KIFBP: variants seen among roughly 807,000 people sequenced by gnomAD.
The protein encoded by KIFBP is kinesin family binding protein.
A neutral mutation model predicts 58.9 loss-of-function variants in KIFBP; 46 were observed. That is an observed-to-expected ratio of 0.78 (90% CI 0.62 to 1.00). The LOEUF is 1.00. Among genes scored for constraint, KIFBP ranks in the 50% least tolerant of loss-of-function variants. KIFBP has a pLI of 0.00. For missense variants in KIFBP, 651 were observed against 752.9 expected, an observed-to-expected ratio of 0.86 and a Z score of 1.58; for synonymous variants, 241 against 283.4, an observed-to-expected ratio of 0.85 and a Z score of 1.50.
At chr10:69,005,171 A>C in intron 3 of KIFBP, 46 bp downstream of exon 3, 39 of 1,332,914 alleles carry the variant, frequency 2.9e-5, no homozygotes, top group Non-Finnish European at 3.8e-5. Flanking sequence ...TCCACATATC[A>C]TAGATTAGTG....
At position 69,015,245 on chromosome 10, in the gene KIFBP, T is replaced by C. The variant is rs2429023; in HGVS notation, c.991-296T>C. 0.16 allele frequency: 51,914 copies of C among 334,510 alleles called. 4,802 individuals are homozygous for C. Among genetic ancestry groups the C allele is most frequent in the Admixed American group, 0.22 (4,733 of 21,800 alleles). 20.7% of individuals were successfully genotyped at this position (334,510 alleles called of 1,614,324 possible). On this transcript the variant is annotated intron_variant, in intron 6 of 6. Transcript: ENST00000361983. ...TCACAATTCTCAAAGTACTTTTACA[T>C]GTAGCATTTATCTTATTGGAAGGAG... is the stretch of plus-strand genomic sequence containing the variant.
chr10:69,004,473 A>G (rs987445034), intron 2 of KIFBP, among the ~76,000 whole-genome samples: 14 of 152,232 alleles, frequency 9.2e-5, no homozygotes, highest in African/African-American at 3.1e-4. Context: ...AACTGCAACA[A>G]CAGTAAAATT....
At chr10:69,003,044 C>CCA (rs1554843027) in intron 2 of KIFBP, among the ~76,000 whole-genome samples, 7 of 105,576 alleles carry the variant, frequency 6.6e-5, no homozygotes, top group African/African-American at 2.5e-4. Context: ...CCCGTCTTTA[C>CCA]AAAAAAAAAA....
At chr10:68,989,523 C>T (rs1002288971) in intron 1 of KIFBP, 1 of 571,972 alleles carries the variant, frequency 1.7e-6, no homozygotes, top group African/African-American at 1.9e-5. Context: ...CTTGCTGCTG[C>T]TTCACTTAGA....
At chr10:68,990,289 G>T (rs919399126) in intron 1 of KIFBP, among the ~76,000 whole-genome samples, 3 of 152,134 alleles carry the variant, frequency 2.0e-5, no homozygotes, top group Admixed American at 6.6e-5. Context: ...CAGCATTTTG[G>T]GAGGCCGAAG....
rs1419050253 is a variant in KIFBP at position 69,016,192 on chromosome 10, T to G, written c.1642T>G (p.Phe548Val). 1 of 1,613,396 alleles carries G rather than the reference T, an allele frequency of 6.2e-7. No homozygotes were observed. The highest frequency in any genetic ancestry group is 2.2e-5 in the East Asian group (1 of 44,890). The change falls in exon 7 of 7, where the codon TTT (phenylalanine) becomes GTT (valine). Residue 548 changes from phenylalanine (F) to valine (V), a missense_variant. Phe to Val is a conservative substitution (Grantham distance 50). Coordinates refer to ENST00000361983, the MANE Select transcript of KIFBP (RefSeq NM_015634.4). Reference sequence around the variant, plus strand: ...TCTTCGCCCTGCCATGTTAGCTAAGTTTCGAGTTGCCCGTCTCTATGGCAA... The same window carrying G: ...TCTTCGCCCTGCCATGTTAGCTAAGGTTCGAGTTGCCCGTCTCTATGGCAA... ...DVLRPAMLAK[F>V]RVARLYGKII...
chr10:68,989,832 G>C, intron 1 of KIFBP: 1 of 153,588 alleles, frequency 6.5e-6, no homozygotes, highest in Non-Finnish European at 1.4e-5. Flanking sequence ...ATAGTAGCTG[G>C]AACCACAGGC....
chr10:69,003,133 TC>T (rs1330881253), intron 2 of KIFBP, among the ~76,000 whole-genome samples: 1 of 152,088 alleles, frequency 6.6e-6, no homozygotes, highest in Non-Finnish European at 1.5e-5. Context: ...ATAGTGAAAT[TC>T]CTTGTGTTTA....
intron 5 of KIFBP, among the ~76,000 whole-genome samples, chr10:69,010,506 G>A (rs531581792): frequency 6.6e-6 from 1 of 152,194 alleles, no homozygotes; most frequent in Non-Finnish European, 1.5e-5. Flanking sequence ...TTTAGCACCA[G>A]GTTCTCCACA....
chr10:69,015,638 T>A lies in KIFBP; in HGVS notation c.1088T>A (p.Val363Glu), dbSNP rs1036928323. The change falls in exon 7 of 7, where the codon GTG becomes GAG. Residue 363 changes from valine to glutamate, a missense_variant. By Grantham distance (121) the Val-to-Glu change is moderately radical (BLOSUM62 -2). Coordinates refer to ENST00000361983, the MANE Select transcript of KIFBP (RefSeq NM_015634.4). ...GAGGAAAGCATTCGGAAAAAAGCTG[T>A]GCAGTTTGGAACCGGTGAACTGTGT... is the stretch of plus-strand genomic sequence containing the variant. ...DEEESIRKKAVQFGTGELCDA... is the reference protein window; with the variant it reads ...DEEESIRKKAEQFGTGELCDA... The A allele has an allele frequency of 7.4e-6, 12 of 1,614,128 alleles. No individual in the cohort carries two copies. The highest frequency in any genetic ancestry group is 9.3e-6 in the Non-Finnish European group (11 of 1,180,012).
At chr10:69,006,035 C>A in intron 4 of KIFBP, 120 bp downstream of exon 4, 1 of 954,810 alleles carries the variant, frequency 1.0e-6, no homozygotes, top group South Asian at 1.7e-5. Context: ...TGATGTACAA[C>A]TGAAGCCGAA....
chr10:69,010,180 T>A (rs992962549), intron 5 of KIFBP, among the ~76,000 whole-genome samples: 2 of 152,206 alleles, frequency 1.3e-5, no homozygotes, highest in Non-Finnish European at 2.9e-5. Flanking sequence ...TTTCAAAATG[T>A]TCTTATTGAG....
chr10:69,004,918 A>C, intron 2 of KIFBP, 128 bp from the exon 3 acceptor site: 1 of 676,556 alleles, frequency 1.5e-6, no homozygotes, highest in South Asian at 1.7e-5. Context: ...TGAGTAACAT[A>C]AAAATGAACT....
At chr10:68,995,024 T>C (rs1391861949) in intron 1 of KIFBP, among the ~76,000 whole-genome samples, 1 of 151,882 alleles carries the variant, frequency 6.6e-6, no homozygotes, top group Non-Finnish European at 1.5e-5. Flanking sequence ...GTAGAAATTT[T>C]ATTTTATTTT....
intron 3 of KIFBP, 63 bp downstream of exon 3, chr10:69,005,188 C>A: frequency 8.5e-7 from 1 of 1,181,908 alleles, no homozygotes; most frequent in South Asian, 1.2e-5. Context: ...AGTGATTGTT[C>A]AAAAAGTCAC....
intron 1 of KIFBP, among the ~76,000 whole-genome samples, chr10:68,997,411 G>T (rs1378160393): frequency 6.6e-6 from 1 of 152,080 alleles, no homozygotes; most frequent in Non-Finnish European, 1.5e-5. Context: ...ATGAGATCTG[G>T]TTGTTTGAAA....
chr10:68,994,181 G>GTGAGGTCTTTTTTT (rs1228561013), intron 1 of KIFBP, among the ~76,000 whole-genome samples: 1 of 150,574 alleles, frequency 6.6e-6, no homozygotes, highest in Admixed American at 6.6e-5. Context: ...GTAAGACCCT[G>GTGAGGTCTTTTTTT]TCTCAGAAAA....
chr10:68,993,117 CTCT>C (rs1475652777), intron 1 of KIFBP, among the ~76,000 whole-genome samples: 6 of 152,126 alleles, frequency 3.9e-5, no homozygotes, highest in African/African-American at 1.4e-4. Flanking sequence ...AGTTTTATGT[CTCT>C]TCTTAGTTCA....
rs1317668068 is a variant in KIFBP at position 69,005,078 on chromosome 10, T to C, written c.558T>C (p.Arg186=). ...GTCCTCCTCTTGATCCTACTGAGCG[T>C]TTTCTTCCTGAAGAAGAGAAACTTA... is the stretch of plus-strand genomic sequence containing the variant. The part of the protein sequence containing the change: ...VGSPPLDPTE[R]FLPEEEKLTE... The change falls in exon 3 of 7, where the codon CGT becomes CGC. Residue 186 remains arginine, a synonymous_variant. Transcript: ENST00000361983. 1 of 1,613,718 alleles carries C rather than the reference T, an allele frequency of 6.2e-7. No individual in the cohort carries two copies. Among genetic ancestry groups the C allele is most frequent in the Non-Finnish European group, 8.5e-7 (1 of 1,179,662 alleles).
Sources: allele counts gnomAD v4.1 joint callset (sites outside exome capture counted in the v4.1 genomes callset), GRCh38; gene constraint gnomAD v4.1.1; transcripts MANE v1.5; gene names NCBI Gene and HGNC (gene_info 2026-07-23, HGNC 2026-07-21).